Variants in DIAPH3 observed in about 807,000 individuals in gnomAD.
DIAPH3 encodes the protein protein diaphanous homolog 3.
A neutral mutation model predicts 144.3 loss-of-function variants in DIAPH3; 117 were observed. That is an observed-to-expected ratio of 0.81 (90% CI 0.70 to 0.95). The LOEUF (loss-of-function observed/expected upper bound fraction) is 0.95, where lower values mean the gene tolerates loss of function less well. DIAPH3 is among the 40% of genes least tolerant of loss of function. DIAPH3 has a pLI of 0.00. For synonymous variants in DIAPH3, 519 were observed against 488.9 expected (o/e 1.06, Z -0.81); for missense variants, 1,421 against 1,412.7 (o/e 1.01, Z -0.09).
chr13:59,694,546 C>T (rs1404473820), intron 27 of DIAPH3, among the ~76,000 whole-genome samples: 1 of 152,084 alleles, frequency 6.6e-6, no homozygotes, highest in African/African-American at 2.4e-5. Context: ...TATAAACTAG[C>T]TAATTTTTAT....
At chr13:59,944,591 C>G (rs969285324) in intron 17 of DIAPH3, among the ~76,000 whole-genome samples, 1 of 152,080 alleles carries the variant, frequency 6.6e-6, no homozygotes, top group African/African-American at 2.4e-5. Flanking sequence ...CCAATCTTCA[C>G]AAGGAAGCAG....
chr13:59,864,237 G>A (rs2043779314), intron 21 of DIAPH3, among the ~76,000 whole-genome samples: 1 of 152,004 alleles, frequency 6.6e-6, no homozygotes, highest in Non-Finnish European at 1.5e-5. Flanking sequence ...AAATAGGTAA[G>A]GCCAGATTAA....
intron 4 of DIAPH3, among the ~76,000 whole-genome samples, chr13:60,084,009 G>A (rs1199833050): frequency 1.5e-4 from 4 of 26,790 alleles, no homozygotes; most frequent in Non-Finnish European, 3.2e-4. Context: ...TAGATAGACA[G>A]ATAGATAGAT....
At chr13:59,948,784 C>T (rs762950094) in intron 17 of DIAPH3, among the ~76,000 whole-genome samples, 16 of 151,412 alleles carry the variant, frequency 1.1e-4, no homozygotes, top group Non-Finnish European at 1.9e-4. Context: ...TCTAATCAAA[C>T]TTCTTAATGT....
At chr13:60,163,290 G>A (rs1418796916) in intron 1 of DIAPH3, among the ~76,000 whole-genome samples, 1 of 152,186 alleles carries the variant, frequency 6.6e-6, no homozygotes, top group South Asian at 2.1e-4. Context: ...TTACACTAGG[G>A]AGGAAGGGAG....
chr13:59,936,615 T>C (rs1171644485), intron 17 of DIAPH3, among the ~76,000 whole-genome samples: 1 of 152,158 alleles, frequency 6.6e-6, no homozygotes, highest in African/African-American at 2.4e-5. Context: ...TCTGACTGAA[T>C]AGATCTAAGG....
intron 17 of DIAPH3, among the ~76,000 whole-genome samples, chr13:59,940,473 T>C (rs2048473310): frequency 6.6e-6 from 1 of 152,180 alleles, no homozygotes; most frequent in Non-Finnish European, 1.5e-5. Flanking sequence ...ACCTCTGACA[T>C]CCAGGAACAC....
At chr13:59,877,644 A>G (rs2044717253) in intron 21 of DIAPH3, among the ~76,000 whole-genome samples, 1 of 152,120 alleles carries the variant, frequency 6.6e-6, no homozygotes, top group Admixed American at 6.6e-5. Flanking sequence ...TGATAGACAT[A>G]TCTTGCTACG....
chr13:59,666,617 A>G lies in DIAPH3; in HGVS notation c.3549T>C (p.Val1183=), dbSNP rs2032025131. ...SFSKNESVPE[V]EALLARLRAL is the part of the protein sequence containing the mutation. ...CTCGTAATCTTGCCAGCAGGGCTTC[A>G]ACTTCGGGAACTGATTCATTTTTAG... The change falls in exon 28 of 28, where the codon GTT becomes GTC. Residue 1183 remains valine (V), a synonymous_variant. Transcript: ENST00000400324. 6.2e-7 allele frequency: 1 copy of G among 1,614,136 alleles called. No homozygotes were observed. The highest frequency in any genetic ancestry group is 8.5e-7 in the Non-Finnish European group (1 of 1,180,012).
chr13:59,872,098 A>T (rs1203283479), intron 21 of DIAPH3, among the ~76,000 whole-genome samples: 1 of 152,130 alleles, frequency 6.6e-6, no homozygotes, highest in Non-Finnish European at 1.5e-5. Flanking sequence ...AGTATATATT[A>T]GTTCTTTGTC....
intron 7 of DIAPH3, among the ~76,000 whole-genome samples, chr13:60,012,026 TC>T: frequency 6.6e-6 from 1 of 152,150 alleles, no homozygotes; most frequent in Non-Finnish European, 1.5e-5. Context: ...AACTGACTAA[TC>T]AGAGTTACTA....
At chr13:59,996,259 C>T (rs2052183749) in intron 9 of DIAPH3, among the ~76,000 whole-genome samples, 1 of 152,046 alleles carries the variant, frequency 6.6e-6, no homozygotes, top group African/African-American at 2.4e-5. Context: ...AAAATATTCT[C>T]CTCTTTGCCC....
Position 59,833,233 on chromosome 13 carries a change from A to C in DIAPH3, c.2901T>G (p.Leu967=). 1 of 1,609,622 alleles carries C rather than the reference A, an allele frequency of 6.2e-7. No individual in the cohort carries two copies. Among genetic ancestry groups the C allele is most frequent in the East Asian group, 2.2e-5 (1 of 44,700 alleles). Residue 967 remains leucine, a synonymous_variant, in exon 24 of 28, where the codon CTT becomes CTG. Coordinates refer to ENST00000400324, the MANE Select transcript of DIAPH3 (RefSeq NM_001042517.2). ...TTTCCATGTTTTCGTGTAACTTCGA[A>C]AGTGTCTCATATTGTTCTTTTGCAC... The part of the protein sequence containing the change: ...VISAKEQYET[L]SKLHENMEKL...
chr13:59,705,229 T>C (rs1345122414), intron 27 of DIAPH3, among the ~76,000 whole-genome samples: 1 of 152,122 alleles, frequency 6.6e-6, no homozygotes, highest in Non-Finnish European at 1.5e-5. Flanking sequence ...AACCACCTAC[T>C]TTCTTGACTC....
At chr13:59,851,907 G>T (rs565682326) in intron 22 of DIAPH3, among the ~76,000 whole-genome samples, 5 of 152,120 alleles carry the variant, frequency 3.3e-5, no homozygotes, top group African/African-American at 1.2e-4. Flanking sequence ...CGTGAGCCAT[G>T]GCGCCCAGCC....
chr13:59,992,337 A>G (rs2051879095), intron 10 of DIAPH3, 136 bp downstream of exon 10: 6 of 1,030,330 alleles, frequency 5.8e-6, no homozygotes, highest in South Asian at 3.0e-5. Context: ...CTTATCATCT[A>G]TATTTCAAAA....
At chr13:59,908,320 G>A (rs1348582572) in intron 20 of DIAPH3, among the ~76,000 whole-genome samples, 5 of 134,262 alleles carry the variant, frequency 3.7e-5, no homozygotes, top group Admixed American at 8.8e-5. Context: ...GCAGTGAGCC[G>A]AGATCGTGCC....
intron 17 of DIAPH3, among the ~76,000 whole-genome samples, chr13:59,944,794 A>AC (rs1555339346): frequency 1.4e-5 from 2 of 148,062 alleles, no homozygotes; most frequent in African/African-American, 4.9e-5. Context: ...TTAGAAAAAA[A>AC]GGGGGGGGGC....
intron 7 of DIAPH3, chr13:60,012,934 A>G (rs1594333536): frequency 1.1e-6 from 1 of 918,928 alleles, no homozygotes; most frequent in East Asian, 1.2e-4. Flanking sequence ...AATTACTACT[A>G]CTCAGTATCT....
Sources: allele counts gnomAD v4.1 joint callset (sites outside exome capture counted in the v4.1 genomes callset), GRCh38; gene constraint gnomAD v4.1.1; transcripts MANE v1.5; gene names NCBI Gene and HGNC (gene_info 2026-07-23, HGNC 2026-07-21).